Variants in TTC19 observed in about 807,000 individuals in gnomAD.
The protein encoded by TTC19 is tetratricopeptide repeat domain 19.
Under a neutral mutation model 49.5 loss-of-function variants are expected in TTC19, and 38 were observed. That is an observed-to-expected ratio of 0.77 (90% CI 0.59 to 1.01). The LOEUF (loss-of-function observed/expected upper bound fraction) is 1.01, where lower values mean the gene tolerates loss of function less well. TTC19 is among the 50% of genes least tolerant of loss of function. The pLI is 0.00. For synonymous variants in TTC19, 204 were observed against 185.2 expected (o/e 1.10, Z -0.83); for missense variants, 475 against 477.7 (o/e 0.99, Z 0.05).
chr17:16,028,840 A>AAAAAAAAAAAAAAC lies in TTC19; in HGVS notation c.*1324_*1325insAAAAAAACAAAAAA. ...TCTCAAAAAAAAAAAAAAAAAAAAA[A>AAAAAAAAAAAAAAC]AAAAAACTTTCTGAAGAAAATAAAA... is the stretch of plus-strand genomic sequence containing the variant. On this transcript the variant is annotated 3_prime_UTR_variant, in exon 10 of 10. Coordinates refer to ENST00000261647, the MANE Select transcript of TTC19 (RefSeq NM_017775.4). 7.9e-6 allele frequency: 3 copies of AAAAAAAAAAAAAAC among 378,668 alleles called. No individual in the cohort carries two copies. The highest frequency in any genetic ancestry group is 7.3e-5 in the East Asian group (1 of 13,662). 23.5% of individuals were successfully genotyped at this position (378,668 alleles called of 1,614,324 possible). A position where few individuals can be genotyped will look rare whatever the true frequency, so the allele number is the denominator to read the frequency against.
intron 2 of TTC19, among the ~76,000 whole-genome samples, chr17:16,041,424 C>CTTTTTTTTG (rs2057575771): frequency 2.2e-5 from 1 of 46,242 alleles, no homozygotes; most frequent in African/African-American, 9.3e-5. Flanking sequence ...TTTTTTTTTC[C>CTTTTTTTTG]TTTGAGATGG....
intron 2 of TTC19, among the ~76,000 whole-genome samples, chr17:16,042,862 G>T (rs1049352590): frequency 6.6e-6 from 1 of 152,202 alleles, no homozygotes; most frequent in African/African-American, 2.4e-5. Context: ...GCAAAGATAT[G>T]TAAGTAGAGC....
chr17:16,029,064 T>C lies in TTC19; in HGVS notation c.*1542T>C, dbSNP rs1280269487. ...GTTTCAGTAGAAACCAGTATTAACGTATGGTGATTTCTTAAAAAAATTAAT... is the reference window on the plus strand; with the variant it reads ...GTTTCAGTAGAAACCAGTATTAACGCATGGTGATTTCTTAAAAAAATTAAT... On this transcript the variant is annotated 3_prime_UTR_variant, in exon 10 of 10. Coordinates refer to ENST00000261647, the MANE Select transcript of TTC19 (RefSeq NM_017775.4). The C allele has an allele frequency of 2.2e-6, 1 of 452,814 alleles. No individual in the cohort carries two copies. Among genetic ancestry groups the C allele is most frequent in the Non-Finnish European group, 4.4e-6 (1 of 226,452 alleles). 28.0% of individuals were successfully genotyped at this position (452,814 alleles called of 1,614,324 possible).
Position 16,026,525 on chromosome 17 carries a change from T to G in TTC19, c.832-15T>G. The stretch of plus-strand genomic sequence containing the variant: ...ATGTTTTTAAAGAAAAAATTGTTTT[T>G]TCTTTTACATACAGACCATTGTGCT... On this transcript the variant is annotated splice_polypyrimidine_tract_variant and intron_variant, in intron 8 of 9. Transcript: ENST00000261647. 1 of 1,613,350 alleles carries G rather than the reference T, an allele frequency of 6.2e-7. No individual in the cohort carries two copies. The highest frequency in any genetic ancestry group is 2.2e-5 in the East Asian group (1 of 44,748).
At chr17:16,039,508 G>C in intron 2 of TTC19, 1 of 1,614,022 alleles carries the variant, frequency 6.2e-7, no homozygotes, top group Non-Finnish European at 8.5e-7. Flanking sequence ...GCAGTACCAG[G>C]CACTACTCCC....
chr17:16,001,941 A>G lies in TTC19; in HGVS notation c.339A>G (p.Glu113=). The G allele has an allele frequency of 6.2e-7, 1 of 1,613,388 alleles. No homozygotes were observed. The highest frequency in any genetic ancestry group is 8.5e-7 in the Non-Finnish European group (1 of 1,179,822). The change falls in exon 3 of 10, where the codon GAA becomes GAG. Residue 113 remains glutamate (E), a synonymous_variant. Coordinates refer to ENST00000261647, the MANE Select transcript of TTC19 (RefSeq NM_017775.4). The stretch of plus-strand genomic sequence containing the variant: ...TGAGCATTATGAAAGATGAGCCAGA[A>G]GAGGCTGAGTTAATTTTGCATGACG... ...AKLSIMKDEP[E]EAELILHDAL... is the part of the protein sequence containing the mutation.
At chr17:16,009,003 A>T (rs951616252) in intron 7 of TTC19, among the ~76,000 whole-genome samples, 2 of 152,158 alleles carry the variant, frequency 1.3e-5, no homozygotes, top group Non-Finnish European at 2.9e-5. Context: ...TCAAAGAAGG[A>T]TAGAGACTTC....
chr17:16,037,833 T>A (rs2056732797), intron 2 of TTC19, among the ~76,000 whole-genome samples: 1 of 152,230 alleles, frequency 6.6e-6, no homozygotes, highest in African/African-American at 2.4e-5. Flanking sequence ...CACCTCTGAC[T>A]GTGCTCTAAA....
chr17:16,000,269 C>T (rs1481752335), intron 2 of TTC19, 24 bp downstream of exon 2: 2 of 1,592,836 alleles, frequency 1.3e-6, no homozygotes, highest in Non-Finnish European at 1.7e-6. Context: ...GGGCCCTGCG[C>T]CCGGCCGAGC....
rs73981411 is a variant in TTC19, at chr17:16,026,619, G to C, written c.911G>C (p.Arg304Thr). 2.3e-4 allele frequency: 379 copies of C among 1,614,112 alleles called. No homozygotes were observed. The African/African-American group carries it at 4.7e-3, about 20-fold the overall frequency. The change falls in exon 9 of 10, where the codon AGG becomes ACG. Residue 304 changes from arginine (R) to threonine (T), a missense_variant. Coordinates refer to ENST00000261647, the MANE Select transcript of TTC19 (RefSeq NM_017775.4). ...GATGAGGCCTATATTTATATGCAAA[G>C]GGCATCAGATCTGGCAAGACAGATA... ...RFDEAYIYMQRASDLARQINH... is the reference protein window; with the variant it reads ...RFDEAYIYMQTASDLARQINH...
intron 7 of TTC19, among the ~76,000 whole-genome samples, chr17:16,018,789 T>C (rs866032095): frequency 3.1e-4 from 47 of 152,214 alleles, no homozygotes; most frequent in African/African-American, 1.1e-3. Context: ...ATTACAGGCA[T>C]GAGGCATCAC....
At chr17:16,043,924 C>T (rs971161508) in intron 2 of TTC19, among the ~76,000 whole-genome samples, 5 of 152,146 alleles carry the variant, frequency 3.3e-5, no homozygotes, top group African/African-American at 4.8e-5. Flanking sequence ...AATCCCAACA[C>T]TTTGGGATGC....
downstream of TTC19, among the ~76,000 whole-genome samples, chr17:16,033,710 G>C (rs1226597783): frequency 6.6e-6 from 1 of 152,116 alleles, no homozygotes; most frequent in African/African-American, 2.4e-5. Flanking sequence ...CATACATTAA[G>C]TTTACAAATA....
At chr17:16,036,732 G>A (rs1298231235) in intron 2 of TTC19, among the ~76,000 whole-genome samples, 1 of 152,204 alleles carries the variant, frequency 6.6e-6, no homozygotes. Context: ...TCAGAGAATT[G>A]AAGAGTTAGG....
At chr17:16,022,846 G>A (rs756449304) in intron 7 of TTC19, among the ~76,000 whole-genome samples, 1 of 152,132 alleles carries the variant, frequency 6.6e-6, no homozygotes, top group Non-Finnish European at 1.5e-5. Context: ...TCTGTGACTA[G>A]AAGTTATTTA....
At chr17:16,020,160 C>T (rs1273645067) in intron 7 of TTC19, among the ~76,000 whole-genome samples, 1 of 152,132 alleles carries the variant, frequency 6.6e-6, no homozygotes, top group Non-Finnish European at 1.5e-5. Context: ...TACCAGTTTA[C>T]ATTTTGACTA....
In TTC19 at chr17:15,999,854, C is replaced by T; in HGVS notation, c.6C>T (p.Phe2=). The T allele has an allele frequency of 2.6e-6, 4 of 1,516,354 alleles. No individual in the cohort carries two copies. The highest frequency in any genetic ancestry group is 2.6e-6 in the Non-Finnish European group (3 of 1,139,602). 93.9% of individuals were successfully genotyped at this position (1,516,354 alleles called of 1,614,324 possible). A position where few individuals can be genotyped will look rare whatever the true frequency, so the allele number is the denominator to read the frequency against. ...GCAGAGGACGCGGCGGGAGCATGTT[C>T]CGGCTCCTGAGCTGGAGCCTGGGCC... M[F]RLLSWSLGRG... Residue 2 remains phenylalanine, a synonymous_variant, in exon 1 of 10, where the codon TTC becomes TTT. Transcript: ENST00000261647.
At chr17:16,000,392 C>G in intron 2 of TTC19, 147 bp downstream of exon 2, 1 of 1,498,684 alleles carries the variant, frequency 6.7e-7, no homozygotes, top group Non-Finnish European at 8.9e-7. Flanking sequence ...GGTGGGTCAT[C>G]CGAGAGGGGA....
At position 16,025,021 on chromosome 17, in the gene TTC19, A is replaced by C; in HGVS notation, c.681A>C (p.Glu227Asp). ...KELAEDIMSV[E>D]EKANTHLLLG... ...TGATTCCTCTTTTCTCCTTAGTGGAAGAGAAAGCCAATACCCACCTCCTCT... is the reference window on the plus strand; with the variant it reads ...TGATTCCTCTTTTCTCCTTAGTGGACGAGAAAGCCAATACCCACCTCCTCT... The change falls in exon 8 of 10, where the codon GAA (glutamate) becomes GAC (aspartate). Residue 227 changes from glutamate to aspartate, a missense_variant. Glu to Asp is a conservative substitution (Grantham distance 45, BLOSUM62 2). Transcript: ENST00000261647. The C allele has an allele frequency of 6.2e-7, 1 of 1,613,892 alleles. No homozygotes were observed. The highest frequency in any genetic ancestry group is 8.5e-7 in the Non-Finnish European group (1 of 1,179,824).
Sources: allele counts gnomAD v4.1 joint callset (sites outside exome capture counted in the v4.1 genomes callset), GRCh38; gene constraint gnomAD v4.1.1; transcripts MANE v1.5; gene names NCBI Gene and HGNC (gene_info 2026-07-23, HGNC 2026-07-21).